Variants in JAK1 observed in about 807,000 individuals in gnomAD.
JAK1 encodes Janus kinase 1.
In JAK1, 16 loss-of-function variants were observed where a neutral mutation model predicts 136.6. That is an observed-to-expected ratio of 0.12 (90% CI 0.08 to 0.18). JAK1 has a LOEUF of 0.18. Ranked by LOEUF, JAK1 falls within the 10% of genes least tolerant of loss-of-function variation. The pLI, the probability that JAK1 is intolerant of heterozygous loss-of-function variation, is 1.00. For synonymous variants in JAK1, 492 were observed against 519.5 expected (o/e 0.95, Z 0.72); for missense variants, 859 against 1,450.1 (o/e 0.59, Z 6.62).
Position 64,879,221 on chromosome 1 carries a change from T to C in JAK1, c.206-73A>G, listed in dbSNP as rs1644731286. 3.9e-6 allele frequency: 6 copies of C among 1,548,242 alleles called. No homozygotes were observed. The South Asian group carries it at 4.6e-5, about 12-fold the overall frequency. On this transcript the variant is annotated intron_variant, in intron 3 of 24. Transcript: ENST00000342505. The stretch of plus-strand genomic sequence containing the variant: ...TGGCCATCTGTTTCTAAACCCAATA[T>C]ATGCAAAGATAAGGAACTCTCTCAT...
chr1:64,988,987 T>C (rs1168360271), intron 2 of JAK1, among the ~76,000 whole-genome samples: 1 of 91,758 alleles, frequency 1.1e-5, no homozygotes, highest in African/African-American at 4.1e-5. Context: ...TGTATATGTG[T>C]GTGTGTGTGT....
chr1:64,883,376 C>G lies in JAK1; in HGVS notation c.106G>C (p.Val36Leu). 6.2e-7 allele frequency: 1 copy of G among 1,614,192 alleles called. No individual in the cohort carries two copies. The highest frequency in any genetic ancestry group is 8.5e-7 in the Non-Finnish European group (1 of 1,180,002). ...TCCGACAGATAGAAGATCACTTCCA[C>G]CCCTGGCTCAGGGGCCTCCAGGTTC... ...EVNLEAPEPG[V>L]EVIFYLSDRE... Residue 36 changes from valine (V) to leucine (L), a missense_variant, in exon 3 of 25, where the codon GTG (valine) becomes CTG (leucine). Transcript: ENST00000342505.
intron 3 of JAK1, among the ~76,000 whole-genome samples, chr1:64,880,304 G>A (rs1435686736): frequency 6.6e-6 from 1 of 152,204 alleles, no homozygotes; most frequent in Non-Finnish European, 1.5e-5. Context: ...GAGTTAAACT[G>A]TAAAGGGAAG....
chr1:64,904,370 T>C (rs1190835051), intron 1 of JAK1, among the ~76,000 whole-genome samples: 1 of 152,238 alleles, frequency 6.6e-6, no homozygotes, highest in Non-Finnish European at 1.5e-5. Flanking sequence ...AACTGTTCTA[T>C]GTACATATCC....
Position 65,059,656 on chromosome 1 carries a change from C to A in JAK1, c.-181+7948G>T, listed in dbSNP as rs553980104. ...TGATTCTTCCTTTTAATAAAAAGTACAAAAGATTCTGAAATTGGAATTCAG... is the reference window on the plus strand; with the variant it reads ...TGATTCTTCCTTTTAATAAAAAGTAAAAAAGATTCTGAAATTGGAATTCAG... On this transcript the variant is annotated intron_variant, in intron 1 of 25. Transcript: ENST00000671954. Among the ~76,000 whole-genome samples, 4 of 152,160 alleles carry A rather than the reference C, an allele frequency of 2.6e-5. No homozygotes were observed. In the South Asian group the frequency reaches 8.3e-4, roughly 32 times the overall value.
chr1:64,858,538 T>C (rs962544302), intron 9 of JAK1, among the ~76,000 whole-genome samples: 3 of 152,216 alleles, frequency 2.0e-5, no homozygotes, highest in African/African-American at 7.2e-5. Flanking sequence ...CAGATTTGAA[T>C]GCCACCTACT....
intron 1 of JAK1, among the ~76,000 whole-genome samples, chr1:64,943,174 AC>A (rs945154240): frequency 6.6e-6 from 1 of 152,184 alleles, no homozygotes; most frequent in African/African-American, 2.4e-5. Context: ...CCTCAGGAAT[AC>A]CTGGGCTCTC....
At chr1:65,013,630 G>A (rs1452240081) in intron 2 of JAK1, among the ~76,000 whole-genome samples, 1 of 152,074 alleles carries the variant, frequency 6.6e-6, no homozygotes, top group Non-Finnish European at 1.5e-5. Flanking sequence ...ATTTAATTTG[G>A]TGCCATATTG....
intron 2 of JAK1, among the ~76,000 whole-genome samples, chr1:65,016,193 A>G (rs1281466110): frequency 6.6e-6 from 1 of 152,204 alleles, no homozygotes; most frequent in African/African-American, 2.4e-5. Context: ...GCTGGGGAGA[A>G]GGGACCTGGG....
intron 1 of JAK1, among the ~76,000 whole-genome samples, chr1:64,954,805 T>C (rs1342948019): frequency 3.9e-5 from 6 of 152,216 alleles, no homozygotes; most frequent in Non-Finnish European, 8.8e-5. Flanking sequence ...GAAAACTGGA[T>C]AGCAACTAAA....
intron 1 of JAK1, among the ~76,000 whole-genome samples, chr1:64,933,554 C>T (rs1645735026): frequency 6.6e-6 from 1 of 152,210 alleles, no homozygotes; most frequent in Non-Finnish European, 1.5e-5. Context: ...CTCGTCTGCA[C>T]CATCCCCTCA....
intron 1 of JAK1, among the ~76,000 whole-genome samples, chr1:64,931,715 T>C (rs963285530): frequency 1.3e-5 from 2 of 152,132 alleles, no homozygotes; most frequent in Admixed American, 6.5e-5. Context: ...CTCTGTTCTT[T>C]AATGGTAAAT....
chr1:65,033,321 T>C (rs61786118), intron 2 of JAK1, among the ~76,000 whole-genome samples: 198 of 152,192 alleles, frequency 1.3e-3, no homozygotes, highest in Admixed American at 2.9e-3. Flanking sequence ...AATAATAAAA[T>C]AATAAATTTT....
intron 23 of JAK1, among the ~76,000 whole-genome samples, chr1:64,835,881 T>C (rs1466375125): frequency 6.6e-6 from 1 of 152,094 alleles, no homozygotes; most frequent in Non-Finnish European, 1.5e-5. Context: ...TCCTTGAGAG[T>C]CAAGGTCATC....
At chr1:64,890,042 CTAAAA>C (rs1461919776) in intron 1 of JAK1, among the ~76,000 whole-genome samples, 1 of 152,062 alleles carries the variant, frequency 6.6e-6, no homozygotes, top group Non-Finnish European at 1.5e-5. Flanking sequence ...GAAAATACAA[CTAAAA>C]TGTTTATGAA....
chr1:65,065,498 G>A (rs1285901203), intron 1 of JAK1, among the ~76,000 whole-genome samples: 1 of 151,784 alleles, frequency 6.6e-6, no homozygotes, highest in Non-Finnish European at 1.5e-5. Context: ...CACAGAACAA[G>A]GGGCAAAGAG....
chr1:64,951,340 T>C (rs1194686344), intron 1 of JAK1, among the ~76,000 whole-genome samples: 1 of 152,220 alleles, frequency 6.6e-6, no homozygotes, highest in Non-Finnish European at 1.5e-5. Context: ...TGCCTGATCC[T>C]TCCTTACTCC....
At chr1:64,985,743 T>A (rs1646592771) in intron 2 of JAK1, 2 of 669,422 alleles carry the variant, frequency 3.0e-6, no homozygotes, top group South Asian at 1.6e-5. Context: ...GATCAGTATT[T>A]CAACCAACTC....
intron 1 of JAK1, among the ~76,000 whole-genome samples, chr1:64,945,159 C>T (rs1292153379): frequency 6.6e-6 from 1 of 152,062 alleles, no homozygotes; most frequent in Non-Finnish European, 1.5e-5. Context: ...ATCGCCTGCA[C>T]TTGCCAGTTC....
Sources: allele counts gnomAD v4.1 joint callset (sites outside exome capture counted in the v4.1 genomes callset), GRCh38; gene constraint gnomAD v4.1.1; transcripts MANE v1.5; gene names NCBI Gene and HGNC (gene_info 2026-07-23, HGNC 2026-07-21).